The following PDE1A variants were observed in gnomAD, a reference collection of about 807,000 sequenced individuals.
The protein encoded by PDE1A is phosphodiesterase 1A.
In PDE1A, 35 loss-of-function variants were observed where a neutral mutation model predicts 61.7. The observed-to-expected ratio is 0.57, with a 90% CI of 0.43 to 0.75. The LOEUF is 0.75. Ranked by LOEUF, PDE1A falls within the 30% of genes least tolerant of loss-of-function variation. The probability of loss-of-function intolerance (pLI) is 0.00; values close to 1 mark genes in which losing one functional copy is unlikely to be tolerated. For synonymous variants in PDE1A, 232 were observed against 213.2 expected, an observed-to-expected ratio of 1.09 and a Z score of -0.77; for missense variants, 597 against 630.6, an observed-to-expected ratio of 0.95 and a Z score of 0.57.
intron 2 of PDE1A, among the ~76,000 whole-genome samples, chr2:182,501,124 T>G (rs1247693435): frequency 6.6e-6 from 1 of 152,202 alleles, no homozygotes; most frequent in Non-Finnish European, 1.5e-5. Flanking sequence ...CCTGAATTAT[T>G]TAAGTCAACT....
At chr2:182,186,890 C>T (rs1296025288) in intron 11 of PDE1A, among the ~76,000 whole-genome samples, 2 of 152,216 alleles carry the variant, frequency 1.3e-5, no homozygotes, top group African/African-American at 4.8e-5. Context: ...GCTAACAATA[C>T]ATTTAGATCC....
rs561467660 is a variant in PDE1A at position 182,212,658 on chromosome 2, C to T, written c.777-6593G>A. On this transcript the variant is annotated intron_variant, in intron 7 of 13. Transcript: ENST00000351439. Reference sequence around the variant, plus strand: ...CCGAGTCAAAGAAAGGGGTGATGGACGGCACCTGGAAAATTGGGTCACTCC... The same window carrying T: ...CCGAGTCAAAGAAAGGGGTGATGGATGGCACCTGGAAAATTGGGTCACTCC... Among the ~76,000 whole-genome samples the T allele has an allele frequency of 3.4e-3, 520 of 151,766 alleles. 2 individuals carry two copies. The highest frequency in any genetic ancestry group is 0.012 in the African/African-American group (499 of 41,328).
intron 1 of PDE1A, among the ~76,000 whole-genome samples, chr2:182,342,753 A>G (rs994241799): frequency 6.6e-6 from 1 of 152,236 alleles, no homozygotes; most frequent in Non-Finnish European, 1.5e-5. Flanking sequence ...TATTTAAAAT[A>G]TAGAAATAGT....
chr2:182,658,047 T>TAAAAAAAAAAAAAAAA, the PDE1A span, among the ~76,000 whole-genome samples: 14 of 66,664 alleles, frequency 2.1e-4, 2 homozygotes, highest in African/African-American at 6.9e-4. Context: ...AGCTTCTCAG[T>TAAAAAAAAAAAAAAAA]AAAAAAAAAA....
At chr2:182,480,957 C>T (rs567944285) in intron 2 of PDE1A, among the ~76,000 whole-genome samples, 5 of 152,012 alleles carry the variant, frequency 3.3e-5, no homozygotes, top group African/African-American at 9.6e-5. Flanking sequence ...CCTCTGTCCT[C>T]TCTCCAGGTT....
intron 2 of PDE1A, among the ~76,000 whole-genome samples, chr2:182,458,701 C>A (rs770996767): frequency 1.3e-5 from 2 of 152,084 alleles, no homozygotes; most frequent in Non-Finnish European, 2.9e-5. Flanking sequence ...TATTTTATCA[C>A]CCTGCCTCTG....
intron 7 of PDE1A, among the ~76,000 whole-genome samples, chr2:182,209,464 A>C (rs1687395114): frequency 6.6e-6 from 1 of 151,372 alleles, no homozygotes; most frequent in African/African-American, 2.4e-5. Flanking sequence ...TATGAGCCAA[A>C]TGTTGATTAC....
At chr2:182,490,910 G>C (rs1349677287) in intron 2 of PDE1A, among the ~76,000 whole-genome samples, 6 of 152,154 alleles carry the variant, frequency 3.9e-5, no homozygotes, top group Non-Finnish European at 8.8e-5. Context: ...TGGGGCTGTA[G>C]ACATAGTAGG....
chr2:182,505,961 CAT>C (rs1396517424), intron 2 of PDE1A, among the ~76,000 whole-genome samples: 1 of 152,194 alleles, frequency 6.6e-6, no homozygotes, highest in Non-Finnish European at 1.5e-5. Flanking sequence ...AAAGGCCACA[CAT>C]AAAGATGCTT....
intron 2 of PDE1A, among the ~76,000 whole-genome samples, chr2:182,446,204 C>A (rs1234132129): frequency 6.6e-6 from 1 of 152,010 alleles, no homozygotes; most frequent in Non-Finnish European, 1.5e-5. Flanking sequence ...TTTGTAGTAT[C>A]TTAAAATGCT....
intron 2 of PDE1A, among the ~76,000 whole-genome samples, chr2:182,500,646 T>C (rs1344368369): frequency 1.3e-5 from 2 of 152,098 alleles, no homozygotes; most frequent in African/African-American, 2.4e-5. Context: ...AACCAAAACT[T>C]CAAAAGATTT....
chr2:182,523,640 C>A (rs967778265), upstream of PDE1A, among the ~76,000 whole-genome samples: 1 of 152,138 alleles, frequency 6.6e-6, no homozygotes, highest in African/African-American at 2.4e-5. Context: ...GTAATAACAT[C>A]CAATATTTGT....
intron 2 of PDE1A, among the ~76,000 whole-genome samples, chr2:182,492,189 G>A (rs770263005): frequency 4.6e-5 from 7 of 152,014 alleles, no homozygotes; most frequent in Admixed American, 6.5e-5. Context: ...AAAACTTCAG[G>A]CTTCCTCTCC....
At chr2:182,196,888 C>T (rs560410520) in intron 10 of PDE1A, among the ~76,000 whole-genome samples, 35 of 151,526 alleles carry the variant, frequency 2.3e-4, no homozygotes, top group Non-Finnish European at 4.4e-4. Context: ...ATGACTACTC[C>T]TATATAAGAC....
Position 182,281,189 on chromosome 2 carries a change from T to G in PDE1A, c.54-16775A>C, listed in dbSNP as rs551092665. On this transcript the variant is annotated intron_variant, in intron 1 of 13. Transcript: ENST00000351439. ...ATGAGTCATTTTCATTTTTTAATTT[T>G]AGCATTAATTTTGTGTTTTCATCAG... Among the ~76,000 whole-genome samples the G allele has an allele frequency of 5.3e-5, 8 of 152,128 alleles. No individual in the cohort carries two copies. The East Asian group carries it at 1.5e-3, about 29-fold the overall frequency.
intron 2 of PDE1A, among the ~76,000 whole-genome samples, chr2:182,486,935 T>A (rs1688060181): frequency 6.6e-6 from 1 of 152,074 alleles, no homozygotes; most frequent in South Asian, 2.1e-4. Context: ...TTCATTAAAA[T>A]TAAAAACCTT....
intron 2 of PDE1A, among the ~76,000 whole-genome samples, chr2:182,443,070 T>G (rs917861890): frequency 2.0e-5 from 3 of 151,762 alleles, no homozygotes; most frequent in African/African-American, 4.8e-5. Flanking sequence ...CCTTCTGAGG[T>G]TTACCTGAAT....
At chr2:182,279,492 A>T (rs1693662954) in intron 1 of PDE1A, among the ~76,000 whole-genome samples, 1 of 151,892 alleles carries the variant, frequency 6.6e-6, no homozygotes, top group African/African-American at 2.4e-5. Flanking sequence ...TCCACAGTCA[A>T]TATTCTTGGA....
At chr2:182,400,585 C>A (rs896441405) in intron 1 of PDE1A, among the ~76,000 whole-genome samples, 4 of 152,114 alleles carry the variant, frequency 2.6e-5, no homozygotes, top group Admixed American at 6.5e-5. Flanking sequence ...CTCAGGAGCA[C>A]TCTCAGGGGA....
Sources: gnomAD v4.1 joint callset for allele counts (sites outside exome capture counted in the v4.1 genomes callset) on GRCh38, gnomAD v4.1.1 for gene constraint, MANE v1.5 for transcripts, NCBI Gene and HGNC (gene_info 2026-07-23, HGNC 2026-07-21) for gene names.